The following ABHD17B variants were observed in gnomAD, a reference collection of about 807,000 sequenced individuals.
ABHD17B encodes abhydrolase domain containing 17B, depalmitoylase.
A neutral mutation model predicts 26.2 loss-of-function variants in ABHD17B; 9 were observed. The observed-to-expected ratio is 0.34, with a 90% confidence interval of 0.21 to 0.60. The LOEUF is 0.60. ABHD17B is among the 20% of genes least tolerant of loss of function. The pLI, the probability that ABHD17B is intolerant of heterozygous loss-of-function variation, is 0.80. For missense variants in ABHD17B, 224 were observed against 352.1 expected, an observed-to-expected ratio of 0.64 and a Z score of 2.91; for synonymous variants, 127 against 122.3, an observed-to-expected ratio of 1.04 and a Z score of -0.25.
chr9:71,893,417 T>C (rs1464914923), intron 1 of ABHD17B, among the ~76,000 whole-genome samples: 2 of 152,228 alleles, frequency 1.3e-5, no homozygotes, highest in African/African-American at 4.8e-5. Flanking sequence ...GTCTGATTAA[T>C]GTGTTAGAGC....
chr9:71,900,101 T>C (rs1323448806), intron 1 of ABHD17B, among the ~76,000 whole-genome samples: 1 of 152,180 alleles, frequency 6.6e-6, no homozygotes, highest in East Asian at 1.9e-4. Context: ...TAAGAACAAA[T>C]GCAATTCTCT....
At chr9:71,889,353 T>C (rs1158207365) in intron 1 of ABHD17B, among the ~76,000 whole-genome samples, 1 of 151,874 alleles carries the variant, frequency 6.6e-6, no homozygotes, top group East Asian at 1.9e-4. Flanking sequence ...TGTTACACTA[T>C]TTTTTAAAAG....
chr9:71,888,202 G>C (rs1461548861), intron 1 of ABHD17B, among the ~76,000 whole-genome samples: 1 of 152,206 alleles, frequency 6.6e-6, no homozygotes, highest in African/African-American at 2.4e-5. Context: ...GCATATGCTA[G>C]TATCACATAT....
At chr9:71,883,724 G>A (rs1290591976) in intron 1 of ABHD17B, among the ~76,000 whole-genome samples, 1 of 152,142 alleles carries the variant, frequency 6.6e-6, no homozygotes, top group Non-Finnish European at 1.5e-5. Flanking sequence ...ATCACCTGAG[G>A]TCAGGAGTTC....
At chr9:71,899,561 A>G (rs1827071265) in intron 1 of ABHD17B, among the ~76,000 whole-genome samples, 1 of 152,224 alleles carries the variant, frequency 6.6e-6, no homozygotes, top group Admixed American at 6.5e-5. Context: ...TGAATTAAAT[A>G]TATCTTTGAC....
Position 71,866,458 on chromosome 9 carries a change from A to G in ABHD17B, c.*329T>C, listed in dbSNP as rs1825957758. ...TTGAGATGTTTTAAAAATATTTATA[A>G]ATTTGTTTCTAGTATGCAAAAGCAT... On this transcript the variant is annotated 3_prime_UTR_variant, in exon 4 of 4. Transcript: ENST00000333421. The G allele has an allele frequency of 9.8e-7, 1 of 1,015,946 alleles. No homozygotes were observed. Among genetic ancestry groups the G allele is most frequent in the Non-Finnish European group, 1.2e-6 (1 of 842,358 alleles). 62.9% of individuals were successfully genotyped at this position (1,015,946 alleles called of 1,614,324 possible).
At chr9:71,875,321 G>A (rs1195958741) in intron 1 of ABHD17B, among the ~76,000 whole-genome samples, 2 of 152,046 alleles carry the variant, frequency 1.3e-5, no homozygotes, top group African/African-American at 4.8e-5. Context: ...CGCCTCCCGG[G>A]TTCAAGTGGT....
At chr9:71,885,947 G>A (rs1045683901) in intron 1 of ABHD17B, among the ~76,000 whole-genome samples, 2 of 152,176 alleles carry the variant, frequency 1.3e-5, no homozygotes, top group African/African-American at 2.4e-5. Context: ...AGCAGGTTTA[G>A]AGAAAACATT....
intron 1 of ABHD17B, among the ~76,000 whole-genome samples, chr9:71,876,254 C>G (rs1294065930): frequency 6.6e-6 from 1 of 152,196 alleles, no homozygotes; most frequent in Non-Finnish European, 1.5e-5. Flanking sequence ...AACTCTACCA[C>G]TTACCGTTTG....
At chr9:71,880,490 T>C (rs1396314077) in intron 1 of ABHD17B, among the ~76,000 whole-genome samples, 3 of 151,888 alleles carry the variant, frequency 2.0e-5, no homozygotes, top group African/African-American at 7.3e-5. Flanking sequence ...AAACACATGG[T>C]TTTCTTAATA....
chr9:71,870,873 C>T (rs1826091438), intron 2 of ABHD17B, among the ~76,000 whole-genome samples: 1 of 152,222 alleles, frequency 6.6e-6, no homozygotes, highest in Admixed American at 6.5e-5. Flanking sequence ...CCAAACACCA[C>T]ATGGTCCAAT....
intron 1 of ABHD17B, among the ~76,000 whole-genome samples, chr9:71,894,209 A>C (rs1826887394): frequency 6.6e-6 from 1 of 151,810 alleles, no homozygotes; most frequent in African/African-American, 2.4e-5. Flanking sequence ...TCACAATATA[A>C]TGCACATTTT....
intron 1 of ABHD17B, among the ~76,000 whole-genome samples, chr9:71,908,727 T>C (rs1192650576): frequency 1.3e-5 from 2 of 152,332 alleles, no homozygotes; most frequent in African/African-American, 2.4e-5. Flanking sequence ...CATCAAATGA[T>C]TGAAATTCAT....
At chr9:71,868,720 G>A (rs373367074) in intron 3 of ABHD17B, among the ~76,000 whole-genome samples, 17 of 152,068 alleles carry the variant, frequency 1.1e-4, no homozygotes, top group Admixed American at 4.6e-4. Context: ...ACAGGGTCTC[G>A]CTCTGTCGCC....
chr9:71,869,003 T>C (rs1299167612), intron 3 of ABHD17B, among the ~76,000 whole-genome samples: 1 of 152,174 alleles, frequency 6.6e-6, no homozygotes, highest in African/African-American at 2.4e-5. Context: ...AGTTTATTTT[T>C]AGTGTTGCTC....
At chr9:71,880,959 A>G (rs1826424882) in intron 1 of ABHD17B, among the ~76,000 whole-genome samples, 1 of 152,062 alleles carries the variant, frequency 6.6e-6, no homozygotes, top group African/African-American at 2.4e-5. Context: ...AAAACTAAGA[A>G]AAAAGACTCC....
chr9:71,866,748 G>T lies in ABHD17B; in HGVS notation c.*39C>A. ...GTTATTTACCAAAGAGTGCAGTTCA[G>T]CAAGAAAGGAAAACCCAGTAGCAAA... On this transcript the variant is annotated 3_prime_UTR_variant, in exon 4 of 4. Coordinates refer to ENST00000333421, the MANE Select transcript of ABHD17B (RefSeq NM_001025780.3). The T allele has an allele frequency of 6.2e-7, 1 of 1,610,292 alleles. No homozygotes were observed. The highest frequency in any genetic ancestry group is 8.5e-7 in the Non-Finnish European group (1 of 1,178,044).
chr9:71,864,838 T>C (rs1451698653), downstream of ABHD17B, among the ~76,000 whole-genome samples: 1 of 152,194 alleles, frequency 6.6e-6, no homozygotes, highest in Non-Finnish European at 1.5e-5. Flanking sequence ...TGTCTTTACC[T>C]AGCACAGGTT....
chr9:71,892,328 C>T (rs1309608993), intron 1 of ABHD17B, among the ~76,000 whole-genome samples: 6 of 151,852 alleles, frequency 4.0e-5, no homozygotes, highest in African/African-American at 1.2e-4. Flanking sequence ...GTCAGGAGAT[C>T]GAGACCATCC....
Sources: gnomAD v4.1 joint callset for allele counts (sites outside exome capture counted in the v4.1 genomes callset) on GRCh38, gnomAD v4.1.1 for gene constraint, MANE v1.5 for transcripts, NCBI Gene and HGNC (gene_info 2026-07-23, HGNC 2026-07-21) for gene names.